The following MED27 variants were observed in gnomAD, a reference collection of about 807,000 sequenced individuals.
MED27 encodes mediator complex subunit 27, also known as mediator of RNA polymerase II transcription subunit 27.
Under a neutral mutation model 38.2 loss-of-function variants are expected in MED27, and 30 were observed. The ratio of observed to expected loss-of-function variants is 0.79; its 90% CI spans 0.59 to 1.07. The LOEUF (loss-of-function observed/expected upper bound fraction) is 1.07, where lower values mean the gene tolerates loss of function less well. MED27 is among the 50% of genes least tolerant of loss of function. MED27 has a pLI of 0.00. For missense variants in MED27, 289 were observed against 397.5 expected (o/e 0.73, Z 2.32); for synonymous variants, 122 against 153.5 (o/e 0.79, Z 1.52).
intron 4 of MED27, among the ~76,000 whole-genome samples, chr9:131,927,651 T>C (rs1314491128): frequency 3.3e-5 from 5 of 151,958 alleles, no homozygotes; most frequent in Non-Finnish European, 5.9e-5. Flanking sequence ...GGCTAGGAGG[T>C]GACTACTCCT....
intron 4 of MED27, among the ~76,000 whole-genome samples, chr9:131,931,560 C>T (rs766520884): frequency 6.6e-6 from 1 of 152,144 alleles, no homozygotes; most frequent in Non-Finnish European, 1.5e-5. Context: ...TCAAAAGACA[C>T]AGAGTAGCTG....
chr9:131,894,664 G>C (rs189295581), intron 4 of MED27, among the ~76,000 whole-genome samples: 11 of 152,138 alleles, frequency 7.2e-5, no homozygotes, highest in Admixed American at 7.2e-4. Flanking sequence ...ATGTATGCCA[G>C]GGAAAAAGGA....
Position 131,897,113 on chromosome 9 carries a change from G to C in MED27, c.574-3121C>G, listed in dbSNP as rs554508156. On this transcript the variant is annotated intron_variant, in intron 4 of 7. Coordinates refer to ENST00000292035, the MANE Select transcript of MED27 (RefSeq NM_004269.4). ...CTATATAGTCTTCACAATCAGTGTTGCATTGCTGCACGACATTCTACTGAG... is the reference window on the plus strand; with the variant it reads ...CTATATAGTCTTCACAATCAGTGTTCCATTGCTGCACGACATTCTACTGAG... Among the ~76,000 whole-genome samples the C allele has an allele frequency of 3.3e-5, 5 of 152,330 alleles. No homozygotes were observed. The South Asian group carries it at 1.0e-3, about 32-fold the overall frequency.
intron 3 of MED27, among the ~76,000 whole-genome samples, chr9:131,951,665 G>C (rs935625819): frequency 5.3e-5 from 8 of 152,244 alleles, no homozygotes; most frequent in Non-Finnish European, 8.8e-5. Flanking sequence ...AAGTAAAGGA[G>C]TGAACACAGC....
chr9:131,879,784 G>A (rs554554877), intron 6 of MED27, among the ~76,000 whole-genome samples: 99 of 152,310 alleles, frequency 6.5e-4, no homozygotes, highest in Non-Finnish European at 1.1e-3. Flanking sequence ...GTCTGCCGCA[G>A]TGCTCCCAAA....
chr9:132,017,679 C>G (rs954141166), intron 2 of MED27, among the ~76,000 whole-genome samples: 1 of 152,168 alleles, frequency 6.6e-6, no homozygotes, highest in African/African-American at 2.4e-5. Context: ...CAGCCATTTC[C>G]GTGTTGCAGT....
At chr9:131,907,753 C>T (rs1830097105) in intron 4 of MED27, among the ~76,000 whole-genome samples, 1 of 151,188 alleles carries the variant, frequency 6.6e-6, no homozygotes, top group Non-Finnish European at 1.5e-5. Flanking sequence ...GCCCGGCCGC[C>T]ATCCCATCTA....
chr9:132,028,163 G>C (rs1166030959), intron 2 of MED27, among the ~76,000 whole-genome samples: 1 of 152,084 alleles, frequency 6.6e-6, no homozygotes, highest in African/African-American at 2.4e-5. Context: ...CCTCTACCTG[G>C]AACGCTCTTC....
intron 6 of MED27, among the ~76,000 whole-genome samples, chr9:131,874,788 A>G (rs1227532681): frequency 6.6e-6 from 1 of 152,220 alleles, no homozygotes; most frequent in Non-Finnish European, 1.5e-5. Flanking sequence ...TCCAGATGGT[A>G]AAACGTCAGT....
At chr9:131,887,915 G>A (rs147692706) in intron 5 of MED27, among the ~76,000 whole-genome samples, 5 of 152,288 alleles carry the variant, frequency 3.3e-5, no homozygotes, top group Non-Finnish European at 5.9e-5. Context: ...GTGGGGTGTG[G>A]TCTGTTCTCA....
Position 131,867,347 on chromosome 9 carries a change from G to A in MED27, c.724-4207C>T, listed in dbSNP as rs147220588. On this transcript the variant is annotated intron_variant, in intron 6 of 7. Coordinates refer to ENST00000292035, the MANE Select transcript of MED27 (RefSeq NM_004269.4). Reference sequence around the variant, plus strand: ...GCCCTCTGTGGTAGAAGTTACCAGCGGTCACTCATCCTTGAGTGACACAGC... The same window carrying A: ...GCCCTCTGTGGTAGAAGTTACCAGCAGTCACTCATCCTTGAGTGACACAGC... 2.3e-3 allele frequency among the ~76,000 whole-genome samples: 348 copies of A among 152,206 alleles called. 3 individuals are homozygous for A. Among genetic ancestry groups the A allele is most frequent in the African/African-American group, 7.9e-3 (330 of 41,528 alleles).
chr9:132,000,350 A>C (rs1832198954), intron 3 of MED27, among the ~76,000 whole-genome samples: 1 of 152,068 alleles, frequency 6.6e-6, no homozygotes, highest in Non-Finnish European at 1.5e-5. Flanking sequence ...AAGATGGACA[A>C]TGTCAAGTGC....
chr9:132,039,468 A>T (rs965068427), intron 2 of MED27, among the ~76,000 whole-genome samples: 1 of 152,232 alleles, frequency 6.6e-6, no homozygotes, highest in Non-Finnish European at 1.5e-5. Flanking sequence ...CAAGTGCTCA[A>T]TAAGTGCCGG....
intron 2 of MED27, among the ~76,000 whole-genome samples, chr9:132,037,591 T>C (rs1406825320): frequency 6.6e-6 from 1 of 152,054 alleles, no homozygotes; most frequent in East Asian, 1.9e-4. Flanking sequence ...GCTTGGATGG[T>C]AAAGAGAACA....
At chr9:132,038,117 A>C (rs1833120964) in intron 2 of MED27, among the ~76,000 whole-genome samples, 1 of 150,706 alleles carries the variant, frequency 6.6e-6, no homozygotes. Flanking sequence ...CCAAGGCTAC[A>C]CTCTCATTCA....
chr9:131,948,455 C>G (rs1830925876), intron 3 of MED27, among the ~76,000 whole-genome samples: 2 of 151,772 alleles, frequency 1.3e-5, no homozygotes, highest in Non-Finnish European at 2.9e-5. Flanking sequence ...CCACTGCACT[C>G]CGGCCTGGGT....
intron 6 of MED27, chr9:131,869,436 T>C: frequency 1.0e-6 from 1 of 977,072 alleles, no homozygotes; most frequent in Non-Finnish European, 1.2e-6. Flanking sequence ...AAATCCACTC[T>C]GTGGCAGCCG....
chr9:132,067,457 G>A (rs1833833396), intron 2 of MED27, among the ~76,000 whole-genome samples: 1 of 152,212 alleles, frequency 6.6e-6, no homozygotes, highest in African/African-American at 2.4e-5. Context: ...AGAAAGAAAG[G>A]AGGAGGAAGA....
chr9:131,895,706 T>C (rs1829820129), intron 4 of MED27, among the ~76,000 whole-genome samples: 1 of 152,234 alleles, frequency 6.6e-6, no homozygotes, highest in Non-Finnish European at 1.5e-5. Context: ...TTAAATATTG[T>C]CACACCATGT....
Sources: allele counts gnomAD v4.1 joint callset (sites outside exome capture counted in the v4.1 genomes callset), GRCh38; gene constraint gnomAD v4.1.1; transcripts MANE v1.5; gene names NCBI Gene and HGNC (gene_info 2026-07-23, HGNC 2026-07-21).